The following SNX29 variants were observed in gnomAD, a reference collection of about 807,000 sequenced individuals.
The protein encoded by SNX29 is sorting nexin-29.
Under a neutral mutation model 102.1 loss-of-function variants are expected in SNX29, and 78 were observed. The observed-to-expected ratio is 0.76, with a 90% CI of 0.64 to 0.92. The LOEUF is 0.92. Ranked by LOEUF, SNX29 falls within the 40% of genes least tolerant of loss-of-function variation. SNX29 has a pLI of 0.00. For synonymous variants in SNX29, 580 were observed against 414.5 expected (o/e 1.40, Z -4.85); for missense variants, 1,280 against 1,061.7 (o/e 1.21, Z -2.86).
chr16:12,419,289 C>T (rs753766386), intron 18 of SNX29, among the ~76,000 whole-genome samples: 1 of 152,146 alleles, frequency 6.6e-6, no homozygotes, highest in Admixed American at 6.5e-5. Context: ...TCAATGCAGC[C>T]ATCTCCTCAG....
In SNX29 at chr16:12,571,514, C is replaced by T. The variant is rs75321034; in HGVS notation, c.*2885C>T. 3 of 673,934 alleles carry T rather than the reference C, an allele frequency of 4.5e-6. No homozygotes were observed. The highest frequency in any genetic ancestry group is 6.0e-4 in the Middle Eastern group (1 of 1,676). 41.7% of individuals were successfully genotyped at this position (673,934 alleles called of 1,614,324 possible). ...CGAGGGTGGCCCACCTCTCAAGGGCCTTGGATTCCTGGGACCACCCTTTGC... is the reference window on the plus strand; with the variant it reads ...CGAGGGTGGCCCACCTCTCAAGGGCTTTGGATTCCTGGGACCACCCTTTGC... On this transcript the variant is annotated 3_prime_UTR_variant, in exon 21 of 21. Coordinates refer to ENST00000566228, the MANE Select transcript of SNX29 (RefSeq NM_032167.5).
chr16:12,555,061 G>A (rs1334349654), intron 20 of SNX29, among the ~76,000 whole-genome samples: 4 of 151,988 alleles, frequency 2.6e-5, no homozygotes, highest in African/African-American at 7.3e-5. Context: ...GAGGCTGGTT[G>A]GAGTTGTGGG....
intron 8 of SNX29, among the ~76,000 whole-genome samples, chr16:12,055,539 A>G (rs2050484609): frequency 6.6e-6 from 1 of 151,732 alleles, no homozygotes; most frequent in Non-Finnish European, 1.5e-5. Context: ...TCTTATCTTG[A>G]TTTATTTTAA....
At chr16:12,378,653 T>A in intron 16 of SNX29, among the ~76,000 whole-genome samples, 1 of 152,216 alleles carries the variant, frequency 6.6e-6, no homozygotes, top group African/African-American at 2.4e-5. Context: ...ACTTCCAACA[T>A]TGGGGGATGA....
chr16:12,478,141 A>G (rs2087742958), intron 19 of SNX29, among the ~76,000 whole-genome samples: 1 of 152,212 alleles, frequency 6.6e-6, no homozygotes, highest in Non-Finnish European at 1.5e-5. Context: ...GGCTTTGGGG[A>G]CTTTACCATT....
chr16:12,563,619 G>A (rs759393351), intron 20 of SNX29, among the ~76,000 whole-genome samples: 7 of 84,242 alleles, frequency 8.3e-5, no homozygotes, highest in South Asian at 3.4e-4. Context: ...TCTCACAGAC[G>A]AGACTGTCCT....
At chr16:12,011,869 A>T (rs1168445736) in intron 3 of SNX29, among the ~76,000 whole-genome samples, 1 of 152,140 alleles carries the variant, frequency 6.6e-6, no homozygotes, top group African/African-American at 2.4e-5. Flanking sequence ...TAATAATGAT[A>T]CTCACTTGCT....
chr16:12,224,972 G>T (rs1363008297), intron 14 of SNX29, among the ~76,000 whole-genome samples: 1 of 152,182 alleles, frequency 6.6e-6, no homozygotes, highest in Non-Finnish European at 1.5e-5. Flanking sequence ...TAGATGCTCT[G>T]CTCTGTTCCA....
intron 13 of SNX29, among the ~76,000 whole-genome samples, chr16:12,144,866 C>T (rs575340261): frequency 2.0e-5 from 3 of 152,286 alleles, no homozygotes; most frequent in African/African-American, 7.2e-5. Flanking sequence ...GGACTACAGG[C>T]GCCTGCCACC....
At chr16:12,118,866 C>T (rs1567223193) in intron 11 of SNX29, among the ~76,000 whole-genome samples, 1 of 152,172 alleles carries the variant, frequency 6.6e-6, no homozygotes. Flanking sequence ...TCACTGTCCC[C>T]TGTCTGCCTC....
At chr16:12,542,555 C>T (rs558646648) in intron 20 of SNX29, among the ~76,000 whole-genome samples, 95 of 152,204 alleles carry the variant, frequency 6.2e-4, no homozygotes, top group Non-Finnish European at 1.0e-3. Flanking sequence ...TGATCTTGAA[C>T]TCCTGACCTC....
intron 15 of SNX29, among the ~76,000 whole-genome samples, chr16:12,353,284 T>A (rs1204240609): frequency 6.6e-6 from 1 of 152,152 alleles, no homozygotes; most frequent in Non-Finnish European, 1.5e-5. Flanking sequence ...ATCATGGCCT[T>A]TCTCCATCTG....
At chr16:12,000,510 G>C (rs989775454) in intron 2 of SNX29, 1 of 151,294 alleles carries the variant, frequency 6.6e-6, no homozygotes, top group African/African-American at 2.4e-5. Context: ...ATTTTAATAG[G>C]GGTGTGTGTT....
rs964400253 is a variant in SNX29, at chr16:12,098,985, A to G, written c.1402+20070A>G. The stretch of plus-strand genomic sequence containing the variant: ...TGGGAGCAGAGAGTACGGGACAGAA[A>G]GAGTGAGGGTGGGAACTGGGGAGTG... On this transcript the variant is annotated intron_variant, in intron 11 of 20. Transcript: ENST00000566228. The surrounding 1 kb of genome is among the most constrained non-coding windows in gnomAD (Gnocchi z 6.0). Among the ~76,000 whole-genome samples the G allele has an allele frequency of 2.6e-5, 4 of 152,184 alleles. No individual in the cohort carries two copies. Among genetic ancestry groups the G allele is most frequent in the African/African-American group, 4.8e-5 (2 of 41,448 alleles).
intron 20 of SNX29, chr16:12,561,213 C>T (rs754076636): frequency 3.0e-5 from 7 of 230,716 alleles, no homozygotes; most frequent in Non-Finnish European, 5.1e-5. Context: ...ACCCCCGCAG[C>T]CATGCAGTAC....
At chr16:12,413,887 C>CTA (rs1567539002) in intron 18 of SNX29, among the ~76,000 whole-genome samples, 1 of 151,522 alleles carries the variant, frequency 6.6e-6, no homozygotes, top group Non-Finnish European at 1.5e-5. Flanking sequence ...TCATCCCTTG[C>CTA]TTGTCTGGGG....
In SNX29 at chr16:12,364,783, A is replaced by G. The variant is rs541943986; in HGVS notation, c.1899+8504A>G. 8.5e-5 allele frequency among the ~76,000 whole-genome samples: 13 copies of G among 152,214 alleles called. No homozygotes were observed. The East Asian group carries it at 2.3e-3, about 27-fold the overall frequency. On this transcript the variant is annotated intron_variant, in intron 16 of 20. Transcript: ENST00000566228. The stretch of plus-strand genomic sequence containing the variant: ...CTCTGTCCCGTTTCTGATCACCTCC[A>G]CTTAAGCAGAAAAGATGGCCTGGCT...
chr16:12,508,036 C>T (rs774103348), intron 19 of SNX29, among the ~76,000 whole-genome samples: 128 of 152,362 alleles, frequency 8.4e-4, no homozygotes, highest in Admixed American at 2.0e-3. Flanking sequence ...CGCTAGTTAA[C>T]GTGGCCAAGG....
chr16:12,540,104 T>A (rs1039970166), intron 20 of SNX29, among the ~76,000 whole-genome samples: 2 of 152,208 alleles, frequency 1.3e-5, no homozygotes, highest in African/African-American at 4.8e-5. Context: ...TAAACCCAGG[T>A]CATAAAGATT....
Sources: gnomAD v4.1 joint callset for allele counts (sites outside exome capture counted in the v4.1 genomes callset) on GRCh38, gnomAD v4.1.1 for gene constraint, Gnocchi (gnomAD v3.1) non-coding constraint, MANE v1.5 for transcripts, NCBI Gene and HGNC (gene_info 2026-07-23, HGNC 2026-07-21) for gene names.